Variants in FREM1 observed in about 807,000 individuals in gnomAD.
FREM1 encodes the protein FRAS1-related extracellular matrix protein 1.
FREM1 carries 220 observed loss-of-function variants against 210.1 expected under a neutral mutation model. That is an observed-to-expected ratio of 1.05 (90% confidence interval 0.94 to 1.17). The LOEUF is 1.17. FREM1 is among the 50% of genes most tolerant of loss of function. The pLI is 0.00. For synonymous variants in FREM1, 1,189 were observed against 980.2 expected (o/e 1.21, Z -3.98); for missense variants, 3,454 against 2,675.5 (o/e 1.29, Z -6.42).
At position 14,756,385 on chromosome 9, in the gene FREM1, T is replaced by C. The variant is rs569392346; in HGVS notation, c.5396A>G (p.Gln1799Arg). 15 of 1,598,358 alleles carry C rather than the reference T, an allele frequency of 9.4e-6. No homozygotes were observed. The East Asian group carries it at 3.2e-4, about 34-fold the overall frequency. Residue 1799 changes from glutamine to arginine, a missense_variant, in exon 29 of 37, where the codon CAG becomes CGG. Physicochemically the swap from Gln to Arg is conservative, Grantham distance 43. Transcript: ENST00000380880. ...DFTVIPSKLI[Q>R]FDPGMSTKMW... ...GACACAAAATGTACCTGGGTCAAAC[T>C]GAATCAGTTTAGATGGAATCACGGT...
At chr9:14,902,634 G>C (rs562770028) in intron 1 of FREM1, among the ~76,000 whole-genome samples, 1 of 152,264 alleles carries the variant, frequency 6.6e-6, no homozygotes, top group Admixed American at 6.5e-5. Flanking sequence ...CTCCTAGCTT[G>C]AACAGTCAAA....
chr9:14,807,093 C>A (rs759242078), intron 17 of FREM1, among the ~76,000 whole-genome samples: 2 of 152,168 alleles, frequency 1.3e-5, no homozygotes, highest in Non-Finnish European at 2.9e-5. Flanking sequence ...CAGAAGATAA[C>A]AGAAAGCCAG....
At position 14,846,077 on chromosome 9, in the gene FREM1, C is replaced by A. The variant is rs1484350756; in HGVS notation, c.1276G>T (p.Glu426Ter). The change falls in exon 8 of 37, where the codon GAG becomes TAG. Residue 426 changes from glutamate to a stop codon, truncating the protein, a stop_gained. Coordinates refer to ENST00000380880, the MANE Select transcript of FREM1 (RefSeq NM_001379081.2). LOFTEE classifies it high-confidence loss of function. ...VSWNTGLSLL[E>*]GQSRAITWEQ... is the part of the protein sequence containing the mutation. ...CAAGTGATGGCTCGAGACTGCCCCT[C>A]AAGGAGACTCAGACCTATGAAAGAA... is the stretch of plus-strand genomic sequence containing the variant. 4 of 1,578,314 alleles carry A rather than the reference C, an allele frequency of 2.5e-6. No individual in the cohort carries two copies. In the African/African-American group the frequency reaches 5.4e-5, roughly 21 times the overall value.
At chr9:14,749,293 T>G (rs868327513) in intron 30 of FREM1, among the ~76,000 whole-genome samples, 4 of 152,064 alleles carry the variant, frequency 2.6e-5, no homozygotes, top group South Asian at 4.2e-4. Flanking sequence ...GGAAAAGAAA[T>G]AAATTTGGTG....
At chr9:14,860,818 C>CATATATACGTATATATACATATATACGT (rs1564102076) in intron 3 of FREM1, among the ~76,000 whole-genome samples, 2 of 48,082 alleles carry the variant, frequency 4.2e-5, no homozygotes, top group African/African-American at 2.0e-4. Context: ...CATATATACA[C>CATATATACGTATATATACATATATACGT]ATATATACAT....
intron 21 of FREM1, among the ~76,000 whole-genome samples, chr9:14,796,135 G>A (rs925784243): frequency 2.6e-5 from 4 of 152,168 alleles, no homozygotes; most frequent in African/African-American, 7.2e-5. Flanking sequence ...AACCTTATCA[G>A]TGGCTCATAG....
chr9:14,751,917 G>A (rs1250052735), intron 29 of FREM1: 3 of 151,352 alleles, frequency 2.0e-5, no homozygotes, highest in Non-Finnish European at 4.4e-5. Context: ...AAAACAGGCT[G>A]ACAGCTAATT....
chr9:14,873,535 T>C (rs927207101), intron 1 of FREM1, among the ~76,000 whole-genome samples: 17 of 146,840 alleles, frequency 1.2e-4, no homozygotes, highest in Non-Finnish European at 2.2e-4. Context: ...TCATTTTTTA[T>C]TGCATATATT....
At position 14,748,627 on chromosome 9, in the gene FREM1, G is replaced by C. The variant is rs781225983; in HGVS notation, c.5570C>G (p.Pro1857Arg). The change falls in exon 31 of 37, where the codon CCT becomes CGT. Residue 1857 changes from proline to arginine, a missense_variant. Pro to Arg is a moderately radical substitution (Grantham distance 103). Coordinates refer to ENST00000380880, the MANE Select transcript of FREM1 (RefSeq NM_001379081.2). Reference protein sequence around the residue: ...ILDSKGGQCHPSYSSNQSKHS... With the variant: ...ILDSKGGQCHRSYSSNQSKHS... ...CTTGCTTTGGTTGGAGGAATATGAA[G>C]GATGGCATTGTCCTGGAGGCATGCA... 4 of 1,612,178 alleles carry C rather than the reference G, an allele frequency of 2.5e-6. No individual in the cohort carries two copies. The highest frequency in any genetic ancestry group is 3.4e-6 in the Non-Finnish European group (4 of 1,178,616).
Position 14,792,840 on chromosome 9 carries a change from G to T in FREM1, c.3884C>A (p.Ser1295Tyr), listed in dbSNP as rs930660923. Residue 1295 changes from serine to tyrosine, a missense_variant, in exon 22 of 37, where the codon TCC becomes TAC. By Grantham distance (144) the Ser-to-Tyr change is moderately radical. Transcript: ENST00000380880. The stretch of plus-strand genomic sequence containing the variant: ...ATCTATGGCTGAAAGAATAGCACTG[G>T]AAATAATACGAGTTTCACCCATATT... ...AMNMGETRII[S>Y]SAILSAIDED... 2.5e-6 allele frequency: 4 copies of T among 1,597,212 alleles called. No individual in the cohort carries two copies. The African/African-American group carries it at 5.4e-5, about 21-fold the overall frequency.
chr9:14,893,052 T>G (rs1262835307), intron 1 of FREM1, among the ~76,000 whole-genome samples: 1 of 152,184 alleles, frequency 6.6e-6, no homozygotes, highest in Non-Finnish European at 1.5e-5. Context: ...TTCCTTCGTG[T>G]TGCGGCTTGG....
At chr9:14,811,764 C>A (rs1194471054) in intron 16 of FREM1, among the ~76,000 whole-genome samples, 2 of 151,802 alleles carry the variant, frequency 1.3e-5, no homozygotes, top group African/African-American at 4.9e-5. Flanking sequence ...TATCTCCATC[C>A]CTCCTCCTTG....
At chr9:14,838,928 G>A (rs1054473481) in intron 10 of FREM1, among the ~76,000 whole-genome samples, 2 of 152,176 alleles carry the variant, frequency 1.3e-5, no homozygotes, top group Non-Finnish European at 2.9e-5. Context: ...TCTTGGAACA[G>A]CTGATGTTAG....
chr9:14,806,607 G>T, intron 18 of FREM1, 54 bp downstream of exon 18: 6 of 1,034,146 alleles, frequency 5.8e-6, no homozygotes, highest in Non-Finnish European at 4.5e-6. Flanking sequence ...CTGGCCAATC[G>T]CTTCCATAAA....
intron 29 of FREM1, among the ~76,000 whole-genome samples, chr9:14,755,188 T>A (rs905637204): frequency 1.3e-5 from 2 of 152,224 alleles, no homozygotes; most frequent in African/African-American, 4.8e-5. Flanking sequence ...TACCCACTGT[T>A]TGATGCTGTG....
intron 35 of FREM1, among the ~76,000 whole-genome samples, chr9:14,742,552 G>C (rs1040906974): frequency 6.6e-6 from 1 of 152,110 alleles, no homozygotes; most frequent in African/African-American, 2.4e-5. Context: ...TCTGGTTAGG[G>C]ACAAAGGATA....
At chr9:14,739,409 ATAATTCTTGACTGGAGG>A (rs1400934740) in intron 36 of FREM1, among the ~76,000 whole-genome samples, 1 of 149,516 alleles carries the variant, frequency 6.7e-6, no homozygotes, top group Admixed American at 6.7e-5. Flanking sequence ...CAGCCTACCT[ATAATTCTTGACTGGAGG>A]TAAGTCATTT....
intron 1 of FREM1, among the ~76,000 whole-genome samples, chr9:14,907,627 G>A (rs1818005013): frequency 6.6e-6 from 1 of 152,182 alleles, no homozygotes. Context: ...TGTAAGGAAT[G>A]GCTACATGCC....
chr9:14,828,544 A>T (rs2130911843), intron 10 of FREM1, among the ~76,000 whole-genome samples: 1 of 137,650 alleles, frequency 7.3e-6, no homozygotes, highest in South Asian at 2.3e-4. Context: ...GTTAGACTTT[A>T]TTTTTTTGCA....
Sources: gnomAD v4.1 joint callset for allele counts (sites outside exome capture counted in the v4.1 genomes callset) on GRCh38, gnomAD v4.1.1 for gene constraint, MANE v1.5 for transcripts, NCBI Gene and HGNC (gene_info 2026-07-23, HGNC 2026-07-21) for gene names.